The following MAGI1 variants were observed in gnomAD, a reference collection of about 807,000 sequenced individuals.
MAGI1 encodes the protein membrane associated guanylate kinase, WW and PDZ domain containing 1.
MAGI1 carries 58 observed loss-of-function variants against 139.9 expected under a neutral mutation model. The observed-to-expected ratio is 0.41, with a 90% CI of 0.34 to 0.52. The LOEUF is 0.52. Ranked by LOEUF, MAGI1 falls within the 20% of genes least tolerant of loss-of-function variation. The pLI, the probability that MAGI1 is intolerant of heterozygous loss-of-function variation, is 0.12. For missense variants in MAGI1, 1,874 were observed against 1,901.6 expected, an observed-to-expected ratio of 0.99 and a Z score of 0.27; for synonymous variants, 812 against 737.9, an observed-to-expected ratio of 1.10 and a Z score of -1.63.
chr3:65,768,832 A>G (rs2037707368), intron 1 of MAGI1, among the ~76,000 whole-genome samples: 1 of 152,220 alleles, frequency 6.6e-6, no homozygotes, highest in Non-Finnish European at 1.5e-5. Context: ...CTTTTAGAAA[A>G]TGTGAAAAAT....
At chr3:65,606,448 C>G (rs1197948085) in intron 2 of MAGI1, among the ~76,000 whole-genome samples, 1 of 152,118 alleles carries the variant, frequency 6.6e-6, no homozygotes, top group East Asian at 1.9e-4. Flanking sequence ...TCAAGCAATC[C>G]TCCCACCTTA....
intron 3 of MAGI1, among the ~76,000 whole-genome samples, chr3:65,489,788 C>A (rs1951876061): frequency 6.6e-6 from 1 of 152,202 alleles, no homozygotes; most frequent in Non-Finnish European, 1.5e-5. Flanking sequence ...AATATTTGCA[C>A]TAGCATCTTT....
intron 10 of MAGI1, among the ~76,000 whole-genome samples, chr3:65,436,068 A>G (rs1947825485): frequency 6.6e-6 from 1 of 152,208 alleles, no homozygotes; most frequent in Admixed American, 6.5e-5. Flanking sequence ...TATTAAAGCC[A>G]TTATCACCAT....
intron 1 of MAGI1, among the ~76,000 whole-genome samples, chr3:65,891,897 T>C (rs1156562459): frequency 8.3e-5 from 2 of 24,148 alleles, no homozygotes; most frequent in African/African-American, 2.1e-4. Context: ...TATATATATA[T>C]ATATATATAT....
intron 1 of MAGI1, among the ~76,000 whole-genome samples, chr3:65,853,840 C>G (rs1384024253): frequency 6.6e-6 from 1 of 152,122 alleles, no homozygotes. Flanking sequence ...TGTGGTGGCT[C>G]ACATCTATAA....
intron 13 of MAGI1, among the ~76,000 whole-genome samples, chr3:65,395,974 C>A (rs1022977227): frequency 2.0e-5 from 3 of 151,928 alleles, no homozygotes; most frequent in Admixed American, 2.0e-4. Flanking sequence ...CTGAGGTGGG[C>A]AACACCAGGG....
chr3:65,605,205 T>C (rs1057454908), intron 2 of MAGI1, among the ~76,000 whole-genome samples: 1 of 152,218 alleles, frequency 6.6e-6, no homozygotes, highest in African/African-American at 2.4e-5. Flanking sequence ...CATCCACTTA[T>C]CCTTAAAATT....
intron 18 of MAGI1, among the ~76,000 whole-genome samples, chr3:65,369,886 C>T (rs1183030285): frequency 6.6e-6 from 1 of 152,102 alleles, no homozygotes; most frequent in Admixed American, 6.5e-5. Context: ...TATCATGAAA[C>T]AAATGGTTTT....
chr3:65,860,699 G>C (rs993211953), intron 1 of MAGI1, among the ~76,000 whole-genome samples: 1 of 152,166 alleles, frequency 6.6e-6, no homozygotes, highest in African/African-American at 2.4e-5. Context: ...CAGATTCCAT[G>C]GGGGAGAAAG....
At chr3:65,955,118 A>G (rs1401332300) in intron 1 of MAGI1, among the ~76,000 whole-genome samples, 1 of 152,186 alleles carries the variant, frequency 6.6e-6, no homozygotes, top group Non-Finnish European at 1.5e-5. Context: ...CAGAGACAGA[A>G]AGAGAGAATG....
intron 2 of MAGI1, among the ~76,000 whole-genome samples, chr3:65,608,287 C>T (rs977318472): frequency 2.6e-5 from 4 of 151,820 alleles, no homozygotes; most frequent in African/African-American, 9.7e-5. Flanking sequence ...ACTAAAAATA[C>T]AAAATTAGCC....
At chr3:65,596,846 T>C (rs1379673636) in intron 2 of MAGI1, among the ~76,000 whole-genome samples, 1 of 152,206 alleles carries the variant, frequency 6.6e-6, no homozygotes, top group Non-Finnish European at 1.5e-5. Context: ...CCCACAGACA[T>C]ACATCTCTTA....
At chr3:65,915,221 C>G (rs1291165617) in intron 1 of MAGI1, among the ~76,000 whole-genome samples, 1 of 152,202 alleles carries the variant, frequency 6.6e-6, no homozygotes, top group African/African-American at 2.4e-5. Context: ...TCAGAGCCCA[C>G]AGGAGATACA....
chr3:65,770,607 C>A (rs2037868276), intron 1 of MAGI1, among the ~76,000 whole-genome samples: 1 of 152,134 alleles, frequency 6.6e-6, no homozygotes, highest in Non-Finnish European at 1.5e-5. Flanking sequence ...ATGAAAGATG[C>A]TTTTAATAGG....
chr3:65,741,891 T>C lies in MAGI1; in HGVS notation c.314-119803A>G, dbSNP rs114919050. 3.1e-3 allele frequency among the ~76,000 whole-genome samples: 475 copies of C among 152,256 alleles called. 3 individuals carry two copies. The highest frequency in any genetic ancestry group is 0.011 in the African/African-American group (452 of 41,542). On this transcript the variant is annotated intron_variant, in intron 1 of 22. Coordinates refer to ENST00000402939, the MANE Select transcript of MAGI1 (RefSeq NM_001033057.2). The stretch of plus-strand genomic sequence containing the variant: ...GACAGTTAATCCCCACGACCAATTT[T>C]AATCACCCATTCATTCAACAAATAA...
chr3:65,647,177 A>G (rs2085314787), intron 1 of MAGI1, among the ~76,000 whole-genome samples: 1 of 152,174 alleles, frequency 6.6e-6, no homozygotes, highest in Non-Finnish European at 1.5e-5. Context: ...TATGAAGCAA[A>G]CAAAGGATAT....
chr3:65,559,495 T>C (rs2080238337), intron 2 of MAGI1, among the ~76,000 whole-genome samples: 1 of 152,232 alleles, frequency 6.6e-6, no homozygotes, highest in Non-Finnish European at 1.5e-5. Context: ...ATTTTTTAAT[T>C]TAATTCTACT....
intron 12 of MAGI1, among the ~76,000 whole-genome samples, chr3:65,427,477 A>G (rs1947136166): frequency 6.6e-6 from 1 of 152,190 alleles, no homozygotes; most frequent in South Asian, 2.1e-4. Flanking sequence ...GGGATAATAA[A>G]CCACATCAAT....
intron 2 of MAGI1, among the ~76,000 whole-genome samples, chr3:65,601,815 A>T (rs1255691021): frequency 2.2e-5 from 3 of 139,002 alleles, no homozygotes; most frequent in Non-Finnish European, 4.8e-5. Flanking sequence ...GTTAGTGAAA[A>T]GACACCCATG....
Sources: allele counts gnomAD v4.1 joint callset (sites outside exome capture counted in the v4.1 genomes callset), GRCh38; gene constraint gnomAD v4.1.1; transcripts MANE v1.5; gene names NCBI Gene and HGNC (gene_info 2026-07-23, HGNC 2026-07-21).